The following AGBL4 variants were observed in gnomAD, a reference collection of about 807,000 sequenced individuals.
AGBL4 encodes AGBL carboxypeptidase 4, also known as cytosolic carboxypeptidase 6.
In AGBL4, 58 loss-of-function variants were observed where a neutral mutation model predicts 66.4. The ratio of observed to expected loss-of-function variants is 0.87; its 90% confidence interval spans 0.71 to 1.09. AGBL4 has a LOEUF of 1.09. AGBL4 is among the 50% of genes least tolerant of loss of function. AGBL4 has a pLI of 0.00. For missense variants in AGBL4, 579 were observed against 631.0 expected (o/e 0.92, Z 0.88); for synonymous variants, 234 against 222.9 (o/e 1.05, Z -0.44).
At chr1:50,010,473 C>CAT (rs891667965) in intron 1 of AGBL4, among the ~76,000 whole-genome samples, 19 of 151,294 alleles carry the variant, frequency 1.3e-4, no homozygotes, top group African/African-American at 1.9e-4. Flanking sequence ...ACCACAAACA[C>CAT]ACACACACAC....
chr1:48,565,582 T>C (rs1180563978), intron 11 of AGBL4, among the ~76,000 whole-genome samples: 1 of 152,184 alleles, frequency 6.6e-6, no homozygotes, highest in Non-Finnish European at 1.5e-5. Context: ...CACTCAAGCA[T>C]CCAGGGTCCC....
chr1:49,001,198 T>C (rs1661369988), intron 5 of AGBL4, among the ~76,000 whole-genome samples: 1 of 152,232 alleles, frequency 6.6e-6, no homozygotes. Context: ...TTTTGTACTT[T>C]CTGCTTTTTA....
intron 3 of AGBL4, among the ~76,000 whole-genome samples, chr1:49,692,330 A>T (rs1646904363): frequency 6.6e-6 from 1 of 152,142 alleles, no homozygotes; most frequent in Non-Finnish European, 1.5e-5. Context: ...GTCTGTGCTA[A>T]TTCCACTGTG....
At chr1:49,465,303 C>A (rs535603512) in intron 3 of AGBL4, among the ~76,000 whole-genome samples, 1 of 149,502 alleles carries the variant, frequency 6.7e-6, no homozygotes, top group Non-Finnish European at 1.5e-5. Context: ...GAATTATGGA[C>A]CATTCTTACT....
At chr1:48,700,852 C>A (rs1309066658) in intron 6 of AGBL4, among the ~76,000 whole-genome samples, 4 of 152,212 alleles carry the variant, frequency 2.6e-5, no homozygotes, top group African/African-American at 9.6e-5. Context: ...CTGTCCATGG[C>A]AGGTCTTGCA....
intron 4 of AGBL4, among the ~76,000 whole-genome samples, chr1:49,232,920 A>G (rs1242815266): frequency 3.3e-5 from 5 of 152,214 alleles, no homozygotes; most frequent in African/African-American, 1.2e-4. Context: ...TTAAATGTAT[A>G]TATGATATTT....
At chr1:48,920,060 AG>A (rs1385067586) in intron 5 of AGBL4, among the ~76,000 whole-genome samples, 2 of 152,224 alleles carry the variant, frequency 1.3e-5, no homozygotes, top group African/African-American at 2.4e-5. Context: ...GTGGTAAAAA[AG>A]AAGGGGCAGA....
chr1:49,748,691 A>T (rs969426918), intron 2 of AGBL4, among the ~76,000 whole-genome samples: 1 of 152,140 alleles, frequency 6.6e-6, no homozygotes, highest in Non-Finnish European at 1.5e-5. Flanking sequence ...CTTTTTAATG[A>T]TCACCATTAT....
chr1:48,919,555 C>T (rs1328753910), intron 5 of AGBL4, among the ~76,000 whole-genome samples: 2 of 152,158 alleles, frequency 1.3e-5, no homozygotes, highest in African/African-American at 2.4e-5. Context: ...ACCACCAATG[C>T]ACAGGTCAAA....
intron 5 of AGBL4, among the ~76,000 whole-genome samples, chr1:48,939,543 G>A (rs957173427): frequency 6.6e-6 from 1 of 152,172 alleles, no homozygotes; most frequent in African/African-American, 2.4e-5. Flanking sequence ...AAAGGCAGGG[G>A]CTCTGTAAGT....
intron 12 of AGBL4, among the ~76,000 whole-genome samples, chr1:48,535,956 A>C (rs1471253586): frequency 6.6e-6 from 1 of 152,162 alleles, no homozygotes; most frequent in Non-Finnish European, 1.5e-5. Flanking sequence ...CCATGCACTA[A>C]GGATACAGAA....
intron 4 of AGBL4, among the ~76,000 whole-genome samples, chr1:49,083,740 T>C (rs373305318): frequency 6.6e-6 from 1 of 152,234 alleles, no homozygotes; most frequent in South Asian, 2.1e-4. Context: ...TGGTTTTTCT[T>C]TTCTACAGCA....
intron 11 of AGBL4, among the ~76,000 whole-genome samples, chr1:48,561,371 T>C (rs61772809): frequency 6.6e-6 from 1 of 152,152 alleles, no homozygotes. Context: ...CACTGGATGA[T>C]CAATGATGTA....
chr1:48,860,945 T>G (rs1647410968), intron 6 of AGBL4, among the ~76,000 whole-genome samples: 1 of 152,208 alleles, frequency 6.6e-6, no homozygotes, highest in African/African-American at 2.4e-5. Flanking sequence ...CAGATGAAAC[T>G]TATTTTATGG....
chr1:49,234,014 G>A (rs887289788), intron 4 of AGBL4, among the ~76,000 whole-genome samples: 3 of 152,200 alleles, frequency 2.0e-5, no homozygotes, highest in Admixed American at 6.5e-5. Flanking sequence ...GGCTAGAATA[G>A]AGATGATGCC....
intron 1 of AGBL4, among the ~76,000 whole-genome samples, chr1:49,948,033 T>TATATAA (rs1553151835): frequency 2.8e-4 from 8 of 28,444 alleles, no homozygotes; most frequent in South Asian, 1.8e-3. Flanking sequence ...TATAAATATA[T>TATATAA]ATACATATAA....
intron 2 of AGBL4, among the ~76,000 whole-genome samples, chr1:49,755,025 A>T (rs1031702600): frequency 6.6e-6 from 1 of 152,194 alleles, no homozygotes; most frequent in Non-Finnish European, 1.5e-5. Context: ...GCTTTACTCC[A>T]AGCCTAATAA....
intron 3 of AGBL4, among the ~76,000 whole-genome samples, chr1:49,450,125 A>T (rs1263958780): frequency 6.6e-6 from 1 of 152,098 alleles, no homozygotes; most frequent in Non-Finnish European, 1.5e-5. Context: ...ATGTTTCTTT[A>T]TCTTGGCTAG....
At chr1:49,027,862 G>C (rs1433521805) in intron 5 of AGBL4, among the ~76,000 whole-genome samples, 3 of 152,116 alleles carry the variant, frequency 2.0e-5, no homozygotes, top group African/African-American at 4.8e-5. Flanking sequence ...GGCCAAGATG[G>C]GCAAGACAAG....
Sources: allele counts gnomAD v4.1 joint callset (sites outside exome capture counted in the v4.1 genomes callset), GRCh38; gene constraint gnomAD v4.1.1; transcripts MANE v1.5; gene names NCBI Gene and HGNC (gene_info 2026-07-23, HGNC 2026-07-21).